EZH2: variants seen among roughly 807,000 people sequenced by gnomAD.
The protein encoded by EZH2 is enhancer of zeste 2 polycomb repressive complex 2 subunit, also known as histone-lysine N-methyltransferase EZH2.
EZH2 carries 18 observed loss-of-function variants against 98.4 expected under a neutral mutation model. The ratio of observed to expected loss-of-function variants is 0.18; its 90% CI spans 0.13 to 0.27. The LOEUF is 0.27. EZH2 is among the 10% of genes least tolerant of loss of function. The pLI, the probability that EZH2 is intolerant of heterozygous loss-of-function variation, is 1.00. For synonymous variants in EZH2, 338 were observed against 312.3 expected (o/e 1.08, Z -0.87); for missense variants, 470 against 935.1 (o/e 0.50, Z 6.49).
At chr7:148,831,203 A>G (rs769142886) in intron 4 of EZH2, among the ~76,000 whole-genome samples, 1 of 152,220 alleles carries the variant, frequency 6.6e-6, no homozygotes, top group Non-Finnish European at 1.5e-5. Context: ...AAAGATAACA[A>G]GTACCGTAGA....
chr7:148,869,218 T>G (rs1485285966), intron 1 of EZH2, among the ~76,000 whole-genome samples: 1 of 152,136 alleles, frequency 6.6e-6, no homozygotes, highest in Non-Finnish European at 1.5e-5. Context: ...AGGGAGAATC[T>G]TACCATCACC....
rs1342999463 is a variant in EZH2 at position 148,817,750 on chromosome 7, GAGA to G, written c.1240+124_1240+126del. On this transcript the variant is annotated intron_variant, in intron 10 of 19. Coordinates refer to ENST00000320356, the MANE Select transcript of EZH2 (RefSeq NM_004456.5). ...AGAAACAACACAGCTACACATTCTT[GAGA>G]TAACTCTGGTCTTTATACTGAAACT... is the stretch of plus-strand genomic sequence containing the variant. 3.2e-6 allele frequency: 4 copies of G among 1,269,092 alleles called. No individual in the cohort carries two copies. In the African/African-American group the frequency reaches 5.9e-5, roughly 19 times the overall value. The allele number at this position is 1,269,092 out of a possible 1,614,324, so 78.6% of individuals were successfully genotyped here.
chr7:148,810,889 T>A (rs1802847644), intron 16 of EZH2, among the ~76,000 whole-genome samples: 3 of 112,900 alleles, frequency 2.7e-5, no homozygotes, highest in Admixed American at 2.2e-4. Context: ...AGAGCGAAAC[T>A]CTGTCTCAAA....
chr7:148,821,581 T>C (rs77594274), intron 8 of EZH2, among the ~76,000 whole-genome samples: 2 of 152,188 alleles, frequency 1.3e-5, no homozygotes, highest in African/African-American at 4.8e-5. Context: ...TTCCAGCACT[T>C]TGGGAGCCCA....
At chr7:148,876,103 G>T (rs913775260) in intron 1 of EZH2, 1 of 152,328 alleles carries the variant, frequency 6.6e-6, no homozygotes, top group African/African-American at 2.4e-5. Context: ...GGTCAAGGTT[G>T]CAGTGAGCTG....
At chr7:148,868,420 A>G (rs1008772904) in intron 1 of EZH2, among the ~76,000 whole-genome samples, 2 of 152,240 alleles carry the variant, frequency 1.3e-5, no homozygotes, top group African/African-American at 4.8e-5. Context: ...GCAAAGTGGC[A>G]GGTGCTACAT....
At chr7:148,863,645 C>A (rs1434900080) in intron 1 of EZH2, among the ~76,000 whole-genome samples, 7 of 152,250 alleles carry the variant, frequency 4.6e-5, no homozygotes, top group South Asian at 2.1e-4. Context: ...GACCTTTTTG[C>A]TTCCTTAAAT....
intron 3 of EZH2, among the ~76,000 whole-genome samples, chr7:148,835,979 G>T (rs993369331): frequency 6.6e-6 from 1 of 152,136 alleles, no homozygotes; most frequent in Non-Finnish European, 1.5e-5. Context: ...ACAGGCTGCA[G>T]CACTACGTAC....
chr7:148,855,237 A>G (rs545935949), intron 1 of EZH2, among the ~76,000 whole-genome samples: 1 of 152,380 alleles, frequency 6.6e-6, no homozygotes, highest in African/African-American at 2.4e-5. Flanking sequence ...ATGATTAATA[A>G]TGCCTGTTAC....
intron 3 of EZH2, among the ~76,000 whole-genome samples, chr7:148,845,422 C>CAG (rs1428696836): frequency 6.6e-6 from 1 of 152,162 alleles, no homozygotes; most frequent in African/African-American, 2.4e-5. Flanking sequence ...CAGAGCTTTA[C>CAG]AGAGGTGTCA....
intron 1 of EZH2, among the ~76,000 whole-genome samples, chr7:148,861,960 C>T (rs977537142): frequency 1.3e-5 from 2 of 152,168 alleles, no homozygotes; most frequent in Admixed American, 1.3e-4. Flanking sequence ...AAAATCCAGT[C>T]TCAAACATAC....
intron 1 of EZH2, among the ~76,000 whole-genome samples, chr7:148,857,144 A>G (rs948925813): frequency 6.6e-6 from 1 of 152,262 alleles, no homozygotes; most frequent in African/African-American, 2.4e-5. Context: ...ATAAGAAAAC[A>G]TCCGATAAGC....
chr7:148,874,804 G>A (rs1819955856), intron 1 of EZH2, among the ~76,000 whole-genome samples: 2 of 151,900 alleles, frequency 1.3e-5, no homozygotes, highest in Non-Finnish European at 2.9e-5. Flanking sequence ...GGCTTAGGCA[G>A]GAGAACAGCG....
chr7:148,842,757 C>T (rs979112773), intron 3 of EZH2, among the ~76,000 whole-genome samples: 1 of 151,894 alleles, frequency 6.6e-6, no homozygotes, highest in African/African-American at 2.4e-5. Context: ...AAAGAGTTGC[C>T]CTAAAGTATC....
At position 148,807,445 on chromosome 7, in the gene EZH2, T is replaced by C; in HGVS notation, c.*201A>G. The C allele has an allele frequency of 1.7e-6, 1 of 574,710 alleles. No homozygotes were observed. Among genetic ancestry groups the C allele is most frequent in the South Asian group, 2.3e-5 (1 of 44,392 alleles). The allele number at this position is 574,710 out of a possible 1,614,324, so 35.6% of individuals were successfully genotyped here. A position where few individuals can be genotyped will look rare whatever the true frequency, so the allele number is the denominator to read the frequency against. On this transcript the variant is annotated 3_prime_UTR_variant, in exon 20 of 20. Transcript: ENST00000320356. Reference sequence around the variant, plus strand: ...GTACCATACTGCATTATTGCAAAAATTCACTGGTACAAAACACTTTGCAGC... The same window carrying C: ...GTACCATACTGCATTATTGCAAAAACTCACTGGTACAAAACACTTTGCAGC...
In EZH2 at chr7:148,829,741, T is replaced by G. The variant is rs2129476893; in HGVS notation, c.471A>C (p.Val157=). The G allele has an allele frequency of 1.2e-6, 2 of 1,611,114 alleles. No homozygotes were observed. The highest frequency in any genetic ancestry group is 1.7e-6 in the Non-Finnish European group (2 of 1,179,156). The change falls in exon 5 of 20, where the codon GTA becomes GTC. Residue 157 remains valine (V), a synonymous_variant. Coordinates refer to ENST00000320356, the MANE Select transcript of EZH2 (RefSeq NM_004456.5). Reference sequence around the variant, plus strand: ...CATATGGCTCACCTCTATCCCCGTGTACTTTCCCATCATAATTTTTTATTA... The same window carrying G: ...CATATGGCTCACCTCTATCCCCGTGGACTTTCCCATCATAATTTTTTATTA... ...EELIKNYDGK[V]HGDRECGFIN...
intron 15 of EZH2, among the ~76,000 whole-genome samples, chr7:148,813,052 T>TAC (rs142835355): frequency 0.046 from 6,016 of 132,108 alleles, 133 homozygotes; most frequent in Non-Finnish European, 0.061. Context: ...ACACCCCACA[T>TAC]ACACACACAC....
At chr7:148,856,703 A>G (rs189968410) in intron 1 of EZH2, among the ~76,000 whole-genome samples, 48 of 152,368 alleles carry the variant, frequency 3.2e-4, no homozygotes, top group African/African-American at 9.9e-4. Context: ...CTGGAAGCAA[A>G]CAGAAGAAAC....
intron 5 of EZH2, among the ~76,000 whole-genome samples, 186 bp downstream of exon 5, chr7:148,829,541 AT>A (rs963185979): frequency 1.2e-4 from 19 of 152,250 alleles, no homozygotes; most frequent in Admixed American, 1.2e-3. Context: ...CTCCTAACTA[AT>A]TTTCCCAAAA....
Sources: gnomAD v4.1 joint callset for allele counts (sites outside exome capture counted in the v4.1 genomes callset) on GRCh38, gnomAD v4.1.1 for gene constraint, MANE v1.5 for transcripts, NCBI Gene and HGNC (gene_info 2026-07-23, HGNC 2026-07-21) for gene names.